Variants in SCFD2 observed in about 807,000 individuals in gnomAD.
SCFD2 encodes the protein sec1 family domain-containing protein 2.
In SCFD2, 54 loss-of-function variants were observed where a neutral mutation model predicts 58.9. That is an observed-to-expected ratio of 0.92 (90% CI 0.74 to 1.15). The LOEUF (loss-of-function observed/expected upper bound fraction) is 1.15. SCFD2 is among the 50% of genes most tolerant of loss of function. SCFD2 has a pLI of 0.00. For missense variants in SCFD2, 805 were observed against 836.6 expected, an observed-to-expected ratio of 0.96 and a Z score of 0.47; for synonymous variants, 321 against 335.9, an observed-to-expected ratio of 0.96 and a Z score of 0.49.
intron 5 of SCFD2, among the ~76,000 whole-genome samples, chr4:52,982,497 G>A (rs1281448450): frequency 1.3e-5 from 2 of 152,162 alleles, no homozygotes; most frequent in African/African-American, 4.8e-5. Context: ...ATCTTATGCA[G>A]AATTTGTTAC....
chr4:53,110,579 T>C (rs1725140466), intron 5 of SCFD2, among the ~76,000 whole-genome samples: 1 of 150,258 alleles, frequency 6.7e-6, no homozygotes, highest in Admixed American at 6.6e-5. Flanking sequence ...AAAAGTGGGT[T>C]CATCTCAAGC....
At chr4:52,946,396 A>T (rs1426413980) in intron 5 of SCFD2, among the ~76,000 whole-genome samples, 10 of 152,194 alleles carry the variant, frequency 6.6e-5, no homozygotes, top group African/African-American at 2.4e-4. Context: ...GGCATGTTTC[A>T]AAATTACCAA....
chr4:52,992,158 C>G (rs1046057355), intron 5 of SCFD2, among the ~76,000 whole-genome samples: 1 of 152,178 alleles, frequency 6.6e-6, no homozygotes, highest in African/African-American at 2.4e-5. Context: ...TGTCGAGTGC[C>G]TGGGATTGCA....
chr4:52,910,037 T>C (rs905463311), intron 6 of SCFD2, among the ~76,000 whole-genome samples: 5 of 152,318 alleles, frequency 3.3e-5, no homozygotes, highest in African/African-American at 1.2e-4. Flanking sequence ...TGATACCTTA[T>C]CGGCACTATC....
chr4:53,147,590 T>G (rs1726371556), intron 4 of SCFD2, among the ~76,000 whole-genome samples: 1 of 152,202 alleles, frequency 6.6e-6, no homozygotes, highest in Admixed American at 6.5e-5. Flanking sequence ...ATTTACCAAG[T>G]GTAAACACAC....
intron 2 of SCFD2, among the ~76,000 whole-genome samples, chr4:53,335,410 A>C (rs1028772964): frequency 5.3e-5 from 8 of 152,120 alleles, no homozygotes; most frequent in African/African-American, 1.7e-4. Context: ...ACTAAGAGGG[A>C]ATGACAAGTG....
intron 4 of SCFD2, among the ~76,000 whole-genome samples, chr4:53,191,077 G>A (rs1167750539): frequency 6.6e-6 from 1 of 152,150 alleles, no homozygotes; most frequent in Non-Finnish European, 1.5e-5. Flanking sequence ...GCAGAGTGCT[G>A]TGGCTCACGC....
intron 4 of SCFD2, among the ~76,000 whole-genome samples, chr4:53,255,960 G>C (rs1167410158): frequency 1.3e-5 from 2 of 150,234 alleles, no homozygotes; most frequent in Non-Finnish European, 3.0e-5. Context: ...TGGCTGGCCG[G>C]GTGGGGGGCT....
intron 3 of SCFD2, among the ~76,000 whole-genome samples, chr4:53,313,147 T>A (rs750118763): frequency 6.6e-5 from 10 of 151,970 alleles, no homozygotes; most frequent in Non-Finnish European, 1.0e-4. Flanking sequence ...GAAGAAGAAA[T>A]AACGCTGATG....
At chr4:53,049,690 G>A (rs1274387425) in intron 5 of SCFD2, among the ~76,000 whole-genome samples, 1 of 152,082 alleles carries the variant, frequency 6.6e-6, no homozygotes, top group African/African-American at 2.4e-5. Flanking sequence ...TGCATCAGCT[G>A]GAATCATGAA....
intron 7 of SCFD2, among the ~76,000 whole-genome samples, chr4:52,897,212 A>G (rs1192803059): frequency 1.3e-5 from 2 of 152,224 alleles, no homozygotes; most frequent in Non-Finnish European, 2.9e-5. Flanking sequence ...GAGTGGTGAG[A>G]GAGGGCATCC....
intron 1 of SCFD2, among the ~76,000 whole-genome samples, chr4:53,360,736 C>A (rs1213544125): frequency 6.6e-6 from 1 of 152,222 alleles, no homozygotes; most frequent in Non-Finnish European, 1.5e-5. Flanking sequence ...AATTATTCAA[C>A]TAGGTAAGAA....
Position 52,970,768 on chromosome 4 carries a change from A to T in SCFD2, c.1562-49898T>A, listed in dbSNP as rs1721079849. On this transcript the variant is annotated intron_variant, in intron 5 of 8. Coordinates refer to ENST00000401642, the MANE Select transcript of SCFD2 (RefSeq NM_152540.4). ...GTAGCCTAACTGGGAGGCATCCCCCAGTAGGGGCAGACTGACACCTCACAC... is the reference window on the plus strand; with the variant it reads ...GTAGCCTAACTGGGAGGCATCCCCCTGTAGGGGCAGACTGACACCTCACAC... Among the ~76,000 whole-genome samples, 6 of 152,176 alleles carry T rather than the reference A, an allele frequency of 3.9e-5. No individual in the cohort carries two copies. The South Asian group carries it at 1.2e-3, about 32-fold the overall frequency.
At chr4:53,318,234 T>C (rs1056226959) in intron 2 of SCFD2, among the ~76,000 whole-genome samples, 2 of 152,214 alleles carry the variant, frequency 1.3e-5, no homozygotes, top group African/African-American at 4.8e-5. Context: ...TATAGAAAGT[T>C]AGTGTTTTTC....
At chr4:52,995,665 G>T (rs970167728) in intron 5 of SCFD2, among the ~76,000 whole-genome samples, 2 of 152,212 alleles carry the variant, frequency 1.3e-5, no homozygotes, top group Non-Finnish European at 2.9e-5. Context: ...TGGAAGTAAT[G>T]CCTACTTTGA....
At chr4:53,126,297 A>T (rs763798292) in intron 5 of SCFD2, among the ~76,000 whole-genome samples, 1 of 152,154 alleles carries the variant, frequency 6.6e-6, no homozygotes, top group Non-Finnish European at 1.5e-5. Context: ...CCACTTTAAA[A>T]TGGCAGATTG....
chr4:53,264,805 T>A (rs990182293), intron 4 of SCFD2, among the ~76,000 whole-genome samples: 24 of 152,202 alleles, frequency 1.6e-4, no homozygotes, highest in Non-Finnish European at 3.2e-4. Context: ...ATTCAATATA[T>A]TTTAAAAAAC....
intron 4 of SCFD2, among the ~76,000 whole-genome samples, chr4:53,204,196 C>T (rs1172768755): frequency 5.3e-5 from 8 of 151,486 alleles, no homozygotes; most frequent in Admixed American, 5.3e-4. Flanking sequence ...TTTTAGATCT[C>T]CACTCTTAAT....
At chr4:53,160,791 C>A in intron 4 of SCFD2, among the ~76,000 whole-genome samples, 1 of 152,152 alleles carries the variant, frequency 6.6e-6, no homozygotes, top group East Asian at 1.9e-4. Context: ...CTCAAAGTAT[C>A]AACGTGCTTC....
Sources: gnomAD v4.1 joint callset for allele counts (sites outside exome capture counted in the v4.1 genomes callset) on GRCh38, gnomAD v4.1.1 for gene constraint, MANE v1.5 for transcripts, NCBI Gene and HGNC (gene_info 2026-07-23, HGNC 2026-07-21) for gene names.